Variants in MCM8 observed in about 807,000 individuals in gnomAD.
The protein encoded by MCM8 is minichromosome maintenance 8 homologous recombination repair factor, also known as DNA helicase MCM8.
MCM8 carries 85 observed loss-of-function variants against 98.9 expected under a neutral mutation model. The ratio of observed to expected loss-of-function variants is 0.86; its 90% CI spans 0.72 to 1.03. The LOEUF (loss-of-function observed/expected upper bound fraction) is 1.03, where lower values mean the gene tolerates loss of function less well. MCM8 is among the 50% of genes least tolerant of loss of function. The pLI is 0.00. For synonymous variants in MCM8, 352 were observed against 338.6 expected, an observed-to-expected ratio of 1.04 and a Z score of -0.44; for missense variants, 951 against 997.8, an observed-to-expected ratio of 0.95 and a Z score of 0.63.
chr20:5,991,074 A>G (rs2089841551), intron 17 of MCM8: 2 of 152,180 alleles, frequency 1.3e-5, no homozygotes, highest in African/African-American at 4.8e-5. Flanking sequence ...TTAACCTGTA[A>G]CATTCTCCTC....
rs1195937493 is a variant in MCM8 at position 5,962,415 on chromosome 20, C to T, written c.790-859C>T. On this transcript the variant is annotated intron_variant, in intron 7 of 18. Coordinates refer to ENST00000610722, the MANE Select transcript of MCM8 (RefSeq NM_032485.6). ...CGGAGTCTCGCTCTGTCGCCCAGGC[C>T]GGACTGCGGACTGCAGTGGCGCAAT... is the stretch of plus-strand genomic sequence containing the variant. 1.5e-4 allele frequency among the ~76,000 whole-genome samples: 9 copies of T among 58,818 alleles called. 1 individual carries two copies. In the East Asian group the frequency reaches 2.3e-3, roughly 15 times the overall value. The allele number at this position is 58,818 out of a possible 152,430, so 38.6% of individuals were successfully genotyped here. A position where few individuals can be genotyped will look rare whatever the true frequency, so the allele number is the denominator to read the frequency against.
At chr20:5,991,511 C>G (rs894557616) in intron 17 of MCM8, 8 of 152,194 alleles carry the variant, frequency 5.3e-5, no homozygotes, top group Non-Finnish European at 1.2e-4. Flanking sequence ...ACAGTACCCA[C>G]ATGACATTAC....
Position 5,950,940 on chromosome 20 carries a change from G to C in MCM8, c.-89G>C, listed in dbSNP as rs2088805253. 6.6e-6 allele frequency: 1 copy of C among 152,282 alleles called. No individual in the cohort carries two copies. Among genetic ancestry groups the C allele is most frequent in the Non-Finnish European group, 1.5e-5 (1 of 68,104 alleles). The allele number at this position is 152,282 out of a possible 1,614,324, so 9.4% of individuals were successfully genotyped here. A position where few individuals can be genotyped will look rare whatever the true frequency, so the allele number is the denominator to read the frequency against. On this transcript the variant is annotated 5_prime_UTR_variant, in exon 1 of 19. Transcript: ENST00000610722. ...CTTCTCTACGGGAGGGAGGGAGGGAGAATCCGGCCGGACAGATCTGCGCGT... is the reference window on the plus strand; with the variant it reads ...CTTCTCTACGGGAGGGAGGGAGGGACAATCCGGCCGGACAGATCTGCGCGT...
intron 12 of MCM8, among the ~76,000 whole-genome samples, chr20:5,973,848 T>A (rs2089455414): frequency 6.6e-6 from 1 of 152,062 alleles, no homozygotes; most frequent in South Asian, 2.1e-4. Flanking sequence ...AGAGACAGGG[T>A]TTTGCTGTGT....
chr20:5,984,254 T>C (rs886548243), intron 14 of MCM8, among the ~76,000 whole-genome samples: 4 of 152,196 alleles, frequency 2.6e-5, no homozygotes, highest in Non-Finnish European at 5.9e-5. Flanking sequence ...AATGTATCAA[T>C]ATAGAAACAG....
At chr20:5,989,118 G>GTTTTTTTTTTTT (rs1568599607) in intron 17 of MCM8, among the ~76,000 whole-genome samples, 1 of 94,420 alleles carries the variant, frequency 1.1e-5, no homozygotes, top group African/African-American at 9.2e-5. Flanking sequence ...AATAGCGCAA[G>GTTTTTTTTTTTT]TCTTTTTTTT....
chr20:5,983,691 C>A (rs965323432), intron 14 of MCM8, among the ~76,000 whole-genome samples: 2 of 151,488 alleles, frequency 1.3e-5, no homozygotes, highest in Admixed American at 1.3e-4. Flanking sequence ...CAGAGTGAGA[C>A]GCCATGTCAA....
chr20:5,958,527 G>A lies in MCM8; in HGVS notation c.591-1G>A, dbSNP rs151001578. The A allele has an allele frequency of 3.7e-6, 6 of 1,612,268 alleles. No individual in the cohort carries two copies. The highest frequency in any genetic ancestry group is 5.1e-6 in the Non-Finnish European group (6 of 1,178,920). ...TTCATTACTTCCTGTTTTGTCTTTA[G>A]GGTGTACAACTATGAGCCTTTGACA... On this transcript the variant is annotated splice_acceptor_variant, in intron 6 of 18. Coordinates refer to ENST00000610722, the MANE Select transcript of MCM8 (RefSeq NM_032485.6). LOFTEE classifies it high-confidence loss of function.
rs73600757 is a variant in MCM8 at position 5,998,437 on chromosome 20, T to C, written c.*4046T>C. 2.6e-4 allele frequency: 40 copies of C among 152,386 alleles called. No homozygotes were observed. The highest frequency in any genetic ancestry group is 9.4e-4 in the African/African-American group (39 of 41,578). 9.4% of individuals were successfully genotyped at this position (152,386 alleles called of 1,614,324 possible). On this transcript the variant is annotated 3_prime_UTR_variant, in exon 19 of 19. Coordinates refer to ENST00000610722, the MANE Select transcript of MCM8 (RefSeq NM_032485.6). Reference sequence around the variant, plus strand: ...GGTGGCATGTGTGGTTGAGGAGACATTTAATTTCCCTGCAGCAGAATTCTT... The same window carrying C: ...GGTGGCATGTGTGGTTGAGGAGACACTTAATTTCCCTGCAGCAGAATTCTT...
intron 18 of MCM8, 115 bp downstream of exon 18, chr20:5,993,810 G>GT: frequency 1.2e-5 from 10 of 829,816 alleles, no homozygotes; most frequent in Non-Finnish European, 1.8e-5. Context: ...CTTCTCAAAG[G>GT]TTTTCAGCAT....
intron 8 of MCM8, among the ~76,000 whole-genome samples, chr20:5,964,119 CT>C (rs11478703): frequency 0.56 from 68,473 of 122,772 alleles, 18,336 homozygotes; most frequent in East Asian, 0.68. Flanking sequence ...TTTTTAATAG[CT>C]TTTTTTTTTT....
intron 6 of MCM8, among the ~76,000 whole-genome samples, chr20:5,958,265 A>G (rs1023584042): frequency 1.1e-4 from 17 of 152,158 alleles, no homozygotes; most frequent in African/African-American, 4.1e-4. Context: ...GCTACTCGGG[A>G]GACTGAGGCA....
At chr20:5,951,452 TA>T (rs2088820484) in intron 1 of MCM8, among the ~76,000 whole-genome samples, 1 of 131,880 alleles carries the variant, frequency 7.6e-6, no homozygotes, top group East Asian at 2.4e-4. Context: ...GGTATATCTT[TA>T]TTTACTTGTA....
chr20:5,952,294 T>C (rs113801759), intron 2 of MCM8, 130 bp from the exon 3 acceptor site: 32 of 1,555,728 alleles, frequency 2.1e-5, no homozygotes, highest in African/African-American at 1.2e-4. Flanking sequence ...TATTTGAACA[T>C]TGATGTCCCA....
Position 5,984,930 on chromosome 20 carries a change from T to G in MCM8, c.1883T>G (p.Met628Arg). The change falls in exon 15 of 19, where the codon ATG becomes AGG. Residue 628 changes from methionine (M) to arginine (R), a missense_variant. By Grantham distance (91) the Met-to-Arg change is moderately conservative (BLOSUM62 -1). Coordinates refer to ENST00000610722, the MANE Select transcript of MCM8 (RefSeq NM_032485.6). ...RTISSATVARMNSQDSNTSVL... is the reference protein window; with the variant it reads ...RTISSATVARRNSQDSNTSVL... ...ATTAGCAGTGCCACAGTAGCTCGTATGAATAGTCAAGATTCAAATACTTCC... is the reference window on the plus strand; with the variant it reads ...ATTAGCAGTGCCACAGTAGCTCGTAGGAATAGTCAAGATTCAAATACTTCC... The G allele has an allele frequency of 1.9e-6, 3 of 1,614,158 alleles. No individual in the cohort carries two copies. The highest frequency in any genetic ancestry group is 1.1e-5 in the South Asian group (1 of 91,084).
chr20:5,993,911 G>T, intron 18 of MCM8: 1 of 424,234 alleles, frequency 2.4e-6, no homozygotes, highest in South Asian at 5.2e-5. Context: ...ATCTTTTAAC[G>T]TTGCATCCCT....
At chr20:5,960,499 G>A (rs1233920854) in intron 7 of MCM8, among the ~76,000 whole-genome samples, 1 of 151,966 alleles carries the variant, frequency 6.6e-6, no homozygotes, top group Non-Finnish European at 1.5e-5. Flanking sequence ...AATTATTGTT[G>A]ATTATATACA....
chr20:5,983,111 C>G lies in MCM8; in HGVS notation c.1679C>G (p.Ala560Gly), dbSNP rs772983167. 3.1e-6 allele frequency: 5 copies of G among 1,613,866 alleles called. No homozygotes were observed. The highest frequency in any genetic ancestry group is 1.7e-5 in the Admixed American group (1 of 59,958). The change falls in exon 14 of 19, where the codon GCA becomes GGA. Residue 560 changes from alanine (A) to glycine (G), a missense_variant. Physicochemically the swap from Ala to Gly is moderately conservative, Grantham distance 60. Coordinates refer to ENST00000610722, the MANE Select transcript of MCM8 (RefSeq NM_032485.6). The stretch of plus-strand genomic sequence containing the variant: ...GCAAGAACTTCCATTATTGCTGCTG[C>G]AAATCCAGTTGGAGGACATTACAAT... ...LPARTSIIAA[A>G]NPVGGHYNKA...
In MCM8 at chr20:5,967,541, C is replaced by G; in HGVS notation, c.981C>G (p.Asp327Glu). 1 of 1,613,828 alleles carries G rather than the reference C, an allele frequency of 6.2e-7. No individual in the cohort carries two copies. The highest frequency in any genetic ancestry group is 8.5e-7 in the Non-Finnish European group (1 of 1,179,800). Residue 327 changes from aspartate (D) to glutamate (E), a missense_variant, in exon 9 of 19, where the codon GAC (aspartate) becomes GAG (glutamate). By Grantham distance (45) the Asp-to-Glu change is conservative. Coordinates refer to ENST00000610722, the MANE Select transcript of MCM8 (RefSeq NM_032485.6). The stretch of plus-strand genomic sequence containing the variant: ...TTGTGGATAGCTGTGTCCCGGGAGA[C>G]ACAGTGACTATTACTGGAATTGTCA... ...HDLVDSCVPGDTVTITGIVKV... is the reference protein window; with the variant it reads ...HDLVDSCVPGETVTITGIVKV...
Sources: allele counts gnomAD v4.1 joint callset (sites outside exome capture counted in the v4.1 genomes callset), GRCh38; gene constraint gnomAD v4.1.1; transcripts MANE v1.5; gene names NCBI Gene and HGNC (gene_info 2026-07-23, HGNC 2026-07-21).